The following DIAPH2 variants were observed in gnomAD, a reference collection of about 807,000 sequenced individuals.
The protein encoded by DIAPH2 is diaphanous related formin 2.
In DIAPH2, 35 loss-of-function variants were observed where a neutral mutation model predicts 92.7. That is an observed-to-expected ratio of 0.38 (90% CI 0.29 to 0.50). The LOEUF (loss-of-function observed/expected upper bound fraction) is 0.50. Ranked by LOEUF, DIAPH2 falls within the 20% of genes least tolerant of loss-of-function variation. DIAPH2 has a pLI of 0.94. For missense variants in DIAPH2, 701 were observed against 819.5 expected (o/e 0.86, Z 1.77); for synonymous variants, 301 against 280.4 (o/e 1.07, Z -0.73).
chrX:97,385,823 T>C (rs1339987268), intron 25 of DIAPH2, among the ~76,000 whole-genome samples: 1 of 112,020 alleles, frequency 8.9e-6, no homozygotes, highest in Non-Finnish European at 1.9e-5. Flanking sequence ...AATTTAATCC[T>C]CATAGAACCC....
intron 23 of DIAPH2, among the ~76,000 whole-genome samples, chrX:97,300,931 T>TAAAAAAAAAAAAAAAAAAAAA (rs774601881): frequency 9.3e-5 from 1 of 10,793 alleles, no homozygotes; most frequent in Non-Finnish European, 1.6e-4. Flanking sequence ...GACTCCGTCT[T>TAAAAAAAAAAAAAAAAAAAAA]AAAAAAAAAA....
Position 96,758,593 on chromosome X carries a change from G to A in DIAPH2, c.447+335G>A, listed in dbSNP as rs867802746. Among the ~76,000 whole-genome samples, 8 of 111,511 alleles carry A rather than the reference G, an allele frequency of 7.2e-5. No individual in the cohort carries two copies. The South Asian group carries it at 2.6e-3, about 36-fold the overall frequency. On this transcript the variant is annotated intron_variant, in intron 4 of 26. Transcript: ENST00000324765. The stretch of plus-strand genomic sequence containing the variant: ...ATGTGGTTTGTTAGATGAAAATTTC[G>A]GATTTTGAAGAAGGTACAACTTAGT...
intron 22 of DIAPH2, among the ~76,000 whole-genome samples, chrX:97,178,642 G>A (rs934105015): frequency 9.2e-6 from 1 of 108,764 alleles, no homozygotes; most frequent in African/African-American, 3.4e-5. Flanking sequence ...TAGTAGAGAC[G>A]AGGTTTCACC....
At chrX:96,916,391 A>G (rs1289121852) in intron 7 of DIAPH2, 47 bp from the exon 8 acceptor site, 28 of 1,063,134 alleles carry the variant, frequency 2.6e-5, no homozygotes, top group East Asian at 3.4e-5. Context: ...AATTAAAGAT[A>G]TATTCCATAG....
At chrX:97,510,287 T>G (rs1463410092) in intron 26 of DIAPH2, among the ~76,000 whole-genome samples, 5 of 111,589 alleles carry the variant, frequency 4.5e-5, no homozygotes, top group South Asian at 3.7e-4. Context: ...TCATGTGTCT[T>G]TTGGCTGCAT....
intron 26 of DIAPH2, among the ~76,000 whole-genome samples, chrX:97,505,649 CTT>C (rs372665495): frequency 3.5e-4 from 33 of 94,785 alleles, no homozygotes; most frequent in African/African-American, 8.0e-4. Flanking sequence ...TGAGGTAGGG[CTT>C]TTTTTTTTTT....
intron 22 of DIAPH2, among the ~76,000 whole-genome samples, chrX:97,185,582 G>T (rs1157851908): frequency 1.2e-5 from 1 of 85,280 alleles, no homozygotes; most frequent in Non-Finnish European, 2.2e-5. Flanking sequence ...GTTCCACCAT[G>T]GGGGCAATAC....
At chrX:97,279,455 C>A (rs1194228893) in intron 23 of DIAPH2, among the ~76,000 whole-genome samples, 1 of 109,579 alleles carries the variant, frequency 9.1e-6, no homozygotes, top group Non-Finnish European at 1.9e-5. Context: ...AGGTGCCCAC[C>A]ACCATACCTG....
intron 4 of DIAPH2, among the ~76,000 whole-genome samples, chrX:96,761,431 G>A (rs1423447131): frequency 9.2e-6 from 1 of 109,282 alleles, no homozygotes; most frequent in Non-Finnish European, 1.9e-5. Context: ...CCTGTATAAT[G>A]AGTAGTTAAA....
intron 26 of DIAPH2, among the ~76,000 whole-genome samples, chrX:97,484,895 GA>G (rs2070677206): frequency 9.0e-6 from 1 of 111,370 alleles, no homozygotes; most frequent in Non-Finnish European, 1.9e-5. Flanking sequence ...AAAAAAAAAA[GA>G]AAAGAAAAGA....
chrX:96,688,245 T>C (rs934256969), intron 1 of DIAPH2, among the ~76,000 whole-genome samples: 4 of 112,942 alleles, frequency 3.5e-5, no homozygotes, highest in African/African-American at 1.3e-4. Flanking sequence ...CTTTGGTTCT[T>C]CAAACAGTAA....
intron 23 of DIAPH2, among the ~76,000 whole-genome samples, chrX:97,250,849 A>G (rs1458952495): frequency 8.9e-6 from 1 of 112,041 alleles, no homozygotes; most frequent in African/African-American, 3.2e-5. Flanking sequence ...GTATCATTGA[A>G]TCACCTTTAT....
chrX:96,762,099 T>A, intron 4 of DIAPH2, among the ~76,000 whole-genome samples: 1 of 112,077 alleles, frequency 8.9e-6, no homozygotes, highest in Non-Finnish European at 1.9e-5. Context: ...GAACACATTT[T>A]GATAATAACT....
chrX:96,928,410 T>C (rs1361333028), intron 9 of DIAPH2, among the ~76,000 whole-genome samples: 1 of 111,439 alleles, frequency 9.0e-6, no homozygotes, highest in African/African-American at 3.2e-5. Flanking sequence ...AGTAATATAT[T>C]CTTCCCTTTA....
chrX:96,702,534 G>A (rs912038137), intron 1 of DIAPH2, among the ~76,000 whole-genome samples: 1 of 112,150 alleles, frequency 8.9e-6, no homozygotes, highest in Non-Finnish European at 1.9e-5. Flanking sequence ...AAGTATTAGG[G>A]ATGACTTCAT....
At chrX:97,499,887 A>C (rs190747312) in intron 26 of DIAPH2, among the ~76,000 whole-genome samples, 7 of 112,369 alleles carry the variant, frequency 6.2e-5, no homozygotes, top group Admixed American at 3.8e-4. Flanking sequence ...TCCTCACTGA[A>C]TTCCCCTTGC....
At chrX:96,977,665 T>C (rs1007544422) in intron 17 of DIAPH2, among the ~76,000 whole-genome samples, 23 of 111,501 alleles carry the variant, frequency 2.1e-4, no homozygotes, top group African/African-American at 5.8e-4. Context: ...TTGGAATCAT[T>C]ATTCTAAGTT....
chrX:97,095,966 T>C (rs142248144), intron 19 of DIAPH2, among the ~76,000 whole-genome samples: 2,094 of 111,771 alleles, frequency 0.019, 47 homozygotes, highest in African/African-American at 0.065. Context: ...TTCATACTTA[T>C]CCAGAATTGA....
At chrX:97,062,743 A>T (rs2066607547) in intron 17 of DIAPH2, among the ~76,000 whole-genome samples, 1 of 111,431 alleles carries the variant, frequency 9.0e-6, no homozygotes, top group South Asian at 3.8e-4. Context: ...TTAAAAAAAG[A>T]AACAAGGAGC....
Sources: gnomAD v4.1 joint callset for allele counts (sites outside exome capture counted in the v4.1 genomes callset) on GRCh38, gnomAD v4.1.1 for gene constraint, MANE v1.5 for transcripts, NCBI Gene and HGNC (gene_info 2026-07-23, HGNC 2026-07-21) for gene names.